The following LOXL1 variants were observed in gnomAD, a reference collection of about 807,000 sequenced individuals.
LOXL1 encodes the protein lysyl oxidase homolog 1.
A neutral mutation model predicts 62.2 loss-of-function variants in LOXL1; 31 were observed. The observed-to-expected ratio is 0.50, with a 90% CI of 0.37 to 0.67. The LOEUF (loss-of-function observed/expected upper bound fraction) is 0.67, where lower values mean the gene tolerates loss of function less well. LOXL1 is among the 30% of genes least tolerant of loss of function. The pLI, the probability that LOXL1 is intolerant of heterozygous loss-of-function variation, is 0.00. For synonymous variants in LOXL1, 403 were observed against 384.4 expected, an observed-to-expected ratio of 1.05 and a Z score of -0.56; for missense variants, 775 against 843.4, an observed-to-expected ratio of 0.92 and a Z score of 1.00.
At chr15:73,949,409 G>C in intron 5 of LOXL1, 50 bp from the exon 6 acceptor site, 1 of 1,086,604 alleles carries the variant, frequency 9.2e-7, no homozygotes, top group Non-Finnish European at 1.4e-6. Context: ...CAGTTGAGGT[G>C]CAGCCCCCCT....
chr15:73,950,768 C>T (rs2068779170), intron 6 of LOXL1, among the ~76,000 whole-genome samples: 1 of 152,212 alleles, frequency 6.6e-6, no homozygotes, highest in Non-Finnish European at 1.5e-5. Context: ...CAGAGCCAGG[C>T]TCATTTAGAG....
At chr15:73,943,004 C>T (rs2068725666) in intron 2 of LOXL1, 42 bp downstream of exon 2, 3 of 1,492,804 alleles carry the variant, frequency 2.0e-6, no homozygotes, top group Non-Finnish European at 1.9e-6. Context: ...GGGATAGTCC[C>T]CGGGAGTCAC....
At chr15:73,950,990 C>T (rs2068780773) in intron 6 of LOXL1, among the ~76,000 whole-genome samples, 1 of 152,232 alleles carries the variant, frequency 6.6e-6, no homozygotes, top group Non-Finnish European at 1.5e-5. Flanking sequence ...GGCTCTTTAG[C>T]AGGCCTGGGT....
chr15:73,940,297 C>A (rs535572287), intron 1 of LOXL1, among the ~76,000 whole-genome samples: 1 of 152,302 alleles, frequency 6.6e-6, no homozygotes, highest in Non-Finnish European at 1.5e-5. Flanking sequence ...GGTCAAGGCT[C>A]AGATTGTGAC....
At chr15:73,944,033 ATGT>A (rs1221180710) in intron 2 of LOXL1, among the ~76,000 whole-genome samples, 2 of 152,200 alleles carry the variant, frequency 1.3e-5, no homozygotes, top group Non-Finnish European at 2.9e-5. Flanking sequence ...GTGATTAGGA[ATGT>A]TGTCGATGTA....
At chr15:73,946,900 G>T (rs557603350) in intron 3 of LOXL1, among the ~76,000 whole-genome samples, 167 bp from the exon 4 acceptor site, 2 of 152,250 alleles carry the variant, frequency 1.3e-5, no homozygotes, top group African/African-American at 4.8e-5. Flanking sequence ...AGCTAGGTGG[G>T]GAGCACAGAG....
At chr15:73,948,268 G>T (rs2068761550) in intron 5 of LOXL1, among the ~76,000 whole-genome samples, 1 of 152,182 alleles carries the variant, frequency 6.6e-6, no homozygotes, top group South Asian at 2.1e-4. Context: ...TTGGGAGACA[G>T]ATGAGAGGCC....
chr15:73,949,838 A>G (rs993645362), intron 6 of LOXL1, among the ~76,000 whole-genome samples: 1 of 152,172 alleles, frequency 6.6e-6, no homozygotes, highest in African/African-American at 2.4e-5. Context: ...CAGAAGGCAG[A>G]GTCATTTGAT....
chr15:73,947,255 G>A (rs769992912), intron 4 of LOXL1, 32 bp downstream of exon 4: 29 of 1,567,644 alleles, frequency 1.8e-5, no homozygotes, highest in Non-Finnish European at 2.4e-5. Flanking sequence ...TTGGGGCATG[G>A]GAGGATAAGG....
At position 73,945,350 on chromosome 15, in the gene LOXL1, A is replaced by G. The variant is rs1208414477; in HGVS notation, c.1212-1067A>G. On this transcript the variant is annotated intron_variant, in intron 2 of 6. Transcript: ENST00000261921. This position sits in a 1 kb window ranked among gnomAD's most constrained non-coding sequence, Gnocchi z 4.3. ...GGGCTGTGCTGCAGTCAGTGCTGTT[A>G]GAGCTCACAGGCAATCCGGATCCTC... Among the ~76,000 whole-genome samples the G allele has an allele frequency of 6.6e-6, 1 of 152,200 alleles. No individual in the cohort carries two copies. The highest frequency in any genetic ancestry group is 1.9e-4 in the East Asian group (1 of 5,196).
chr15:73,941,041 G>T (rs2068710255), intron 1 of LOXL1, among the ~76,000 whole-genome samples: 1 of 152,148 alleles, frequency 6.6e-6, no homozygotes, highest in Non-Finnish European at 1.5e-5. Context: ...CCTATACGCA[G>T]CTGAGGGAAA....
In LOXL1 at chr15:73,926,933, G is replaced by T. The variant is rs2068583051; in HGVS notation, c.150G>T (p.Gln50His). 2 of 1,566,442 alleles carry T rather than the reference G, an allele frequency of 1.3e-6. No individual in the cohort carries two copies. The highest frequency in any genetic ancestry group is 2.7e-5 in the African/African-American group (2 of 73,074). Residue 50 changes from glutamine (Q) to histidine (H), a missense_variant, in exon 1 of 7, where the codon CAG becomes CAT. Coordinates refer to ENST00000261921, the MANE Select transcript of LOXL1 (RefSeq NM_005576.4). ...TGATCCAGTGGGAGAACAACGGGCA[G>T]GTGTACAGCTTGCTCAACTCGGGCT... ...RQLIQWENNG[Q>H]VYSLLNSGSE... is the part of the protein sequence containing the mutation.
chr15:73,947,768 C>T, intron 4 of LOXL1, 39 bp from the exon 5 acceptor site: 2 of 1,423,856 alleles, frequency 1.4e-6, no homozygotes, highest in Middle Eastern at 3.6e-4. Context: ...CTCTGGGAAA[C>T]AAGCAGCATC....
Position 73,947,105 on chromosome 15 carries a change from T to A in LOXL1, c.1388T>A (p.Leu463Gln). ...HSMDEFSHYD[L>Q]LDAATGKKVA... is the part of the protein sequence containing the mutation. ...ATGGACGAGTTCAGCCACTACGACC[T>A]ACTGGATGCAGCCACAGGCAAGAAG... The change falls in exon 4 of 7, where the codon CTA (leucine) becomes CAA (glutamine). Residue 463 changes from leucine (L) to glutamine (Q), a missense_variant. Leu to Gln is a moderately radical substitution (Grantham distance 113). Coordinates refer to ENST00000261921, the MANE Select transcript of LOXL1 (RefSeq NM_005576.4). 1 of 1,613,168 alleles carries A rather than the reference T, an allele frequency of 6.2e-7. No homozygotes were observed. The highest frequency in any genetic ancestry group is 8.5e-7 in the Non-Finnish European group (1 of 1,179,224).
Position 73,949,483 on chromosome 15 carries a change from G to A in LOXL1, c.1627G>A (p.Val543Ile), listed in dbSNP as rs1210153644. 1 of 1,613,242 alleles carries A rather than the reference G, an allele frequency of 6.2e-7. No individual in the cohort carries two copies. The highest frequency in any genetic ancestry group is 1.7e-5 in the Admixed American group (1 of 60,010). ...LKVHVNPKYI[V>I]LESDFTNNVV... ...GGTGCACGTGAACCCAAAGTATATT[G>A]TTTTGGAGTCTGACTTCACCAACAA... Residue 543 changes from valine to isoleucine, a missense_variant, in exon 6 of 7, where the codon GTT becomes ATT. By Grantham distance (29) the Val-to-Ile change is conservative. Coordinates refer to ENST00000261921, the MANE Select transcript of LOXL1 (RefSeq NM_005576.4).
At chr15:73,928,442 T>C (rs1257098622) in intron 1 of LOXL1, among the ~76,000 whole-genome samples, 2 of 152,092 alleles carry the variant, frequency 1.3e-5, no homozygotes, top group African/African-American at 2.4e-5. Flanking sequence ...GAGCGTGTGC[T>C]CCAGGCAGGA....
At chr15:73,944,735 G>T (rs1448243337) in intron 2 of LOXL1, among the ~76,000 whole-genome samples, 2 of 152,220 alleles carry the variant, frequency 1.3e-5, no homozygotes, top group Non-Finnish European at 2.9e-5. Context: ...GACCCTTATG[G>T]TTTCCCACGG....
At chr15:73,944,175 T>C (rs1044359915) in intron 2 of LOXL1, among the ~76,000 whole-genome samples, 3 of 152,164 alleles carry the variant, frequency 2.0e-5, no homozygotes, top group African/African-American at 7.2e-5. Flanking sequence ...GTTTCAGTTG[T>C]CTTGGGGAAG....
At chr15:73,944,693 C>A (rs2068736148) in intron 2 of LOXL1, among the ~76,000 whole-genome samples, 2 of 152,238 alleles carry the variant, frequency 1.3e-5, no homozygotes, top group African/African-American at 4.8e-5. Flanking sequence ...AGTCTCACCA[C>A]CAGTTTGTGG....
Sources: gnomAD v4.1 joint callset for allele counts (sites outside exome capture counted in the v4.1 genomes callset) on GRCh38, gnomAD v4.1.1 for gene constraint, Gnocchi (gnomAD v3.1) non-coding constraint, MANE v1.5 for transcripts, NCBI Gene and HGNC (gene_info 2026-07-23, HGNC 2026-07-21) for gene names.